PATJ: variants seen among roughly 807,000 people sequenced by gnomAD.
PATJ encodes inaD-like protein.
PATJ carries 190 observed loss-of-function variants against 224.9 expected under a neutral mutation model. That is an observed-to-expected ratio of 0.84 (90% CI 0.75 to 0.95). The LOEUF is 0.95. Ranked by LOEUF, PATJ falls within the 40% of genes least tolerant of loss-of-function variation. The pLI, the probability that PATJ is intolerant of heterozygous loss-of-function variation, is 0.00. For missense variants in PATJ, 2,121 were observed against 2,270.3 expected, an observed-to-expected ratio of 0.93 and a Z score of 1.34; for synonymous variants, 769 against 820.3, an observed-to-expected ratio of 0.94 and a Z score of 1.07.
chr1:62,055,678 C>T (rs2148613905), intron 31 of PATJ, among the ~76,000 whole-genome samples: 1 of 152,326 alleles, frequency 6.6e-6, no homozygotes. Flanking sequence ...GAAGGAACAA[C>T]TATTCCAAGT....
chr1:62,145,774 G>T (rs1667980121), intron 41 of PATJ, among the ~76,000 whole-genome samples: 1 of 152,004 alleles, frequency 6.6e-6, no homozygotes, highest in Non-Finnish European at 1.5e-5. Flanking sequence ...TGGACAACAT[G>T]GTGAAACCCT....
intron 39 of PATJ, among the ~76,000 whole-genome samples, chr1:62,127,389 T>G (rs1224653197): frequency 6.6e-6 from 1 of 151,274 alleles, no homozygotes. Flanking sequence ...TCTTTCTTCA[T>G]AGCCTTTCCG....
At chr1:62,083,530 C>T (rs1659552666) in intron 32 of PATJ, among the ~76,000 whole-genome samples, 1 of 152,166 alleles carries the variant, frequency 6.6e-6, no homozygotes, top group African/African-American at 2.4e-5. Flanking sequence ...AGCCTATAAA[C>T]ATTTTTTCCC....
chr1:62,032,882 C>T (rs1649598760), intron 29 of PATJ, among the ~76,000 whole-genome samples: 1 of 152,130 alleles, frequency 6.6e-6, no homozygotes. Context: ...GGAAGCAAAG[C>T]ACCTTCTTCA....
At chr1:62,148,420 A>G in intron 42 of PATJ, 30 bp downstream of exon 42, 1 of 1,482,088 alleles carries the variant, frequency 6.7e-7, no homozygotes, top group Non-Finnish European at 9.4e-7. Context: ...AGGGCCTATT[A>G]TGCATGTGGG....
At chr1:61,774,831 G>A (rs1235762676) in intron 6 of PATJ, among the ~76,000 whole-genome samples, 2 of 151,988 alleles carry the variant, frequency 1.3e-5, no homozygotes, top group Non-Finnish European at 2.9e-5. Context: ...ATAATATTTT[G>A]TGATTCTCTT....
chr1:61,840,010 A>C (rs17122796), intron 17 of PATJ, among the ~76,000 whole-genome samples: 13,112 of 152,076 alleles, frequency 0.086, 730 homozygotes, highest in East Asian at 0.21. Context: ...AGAATAGTGG[A>C]AATATTTCTC....
chr1:62,039,076 G>T, intron 30 of PATJ: 1 of 823,570 alleles, frequency 1.2e-6, no homozygotes, highest in Admixed American at 1.7e-5. Context: ...GAAGCATGAT[G>T]GCTTCACAGT....
At chr1:61,848,625 A>C (rs574418788) in intron 17 of PATJ, among the ~76,000 whole-genome samples, 1 of 152,184 alleles carries the variant, frequency 6.6e-6, no homozygotes, top group African/African-American at 2.4e-5. Context: ...TGTATTGCCC[A>C]GGGTGGTCTT....
At chr1:61,811,629 A>G (rs1370583318) in intron 14 of PATJ, among the ~76,000 whole-genome samples, 2 of 150,668 alleles carry the variant, frequency 1.3e-5, no homozygotes, top group African/African-American at 4.9e-5. Context: ...AATGTTTTCT[A>G]GTTTACTAAA....
chr1:61,797,466 T>G (rs1199337809), intron 11 of PATJ, 38 bp downstream of exon 11: 4 of 1,564,828 alleles, frequency 2.6e-6, no homozygotes, highest in Admixed American at 1.7e-5. Flanking sequence ...TCAAGTAGTT[T>G]ACATTTGGAA....
rs114475633 is a variant in PATJ, at chr1:61,747,966, C to T, written c.-36+5411C>T. On this transcript the variant is annotated intron_variant, in intron 1 of 43. Transcript: ENST00000642238. ...TTCACTCTGTTGCGAAGGCTGGAGC[C>T]GCCTCCTGGGTTCAAGTGATTCTCG... Among the ~76,000 whole-genome samples the T allele has an allele frequency of 3.9e-3, 588 of 152,246 alleles. 4 individuals carry two copies. Among genetic ancestry groups the T allele is most frequent in the African/African-American group, 0.013 (551 of 41,548 alleles).
chr1:62,004,466 G>A (rs116366059), intron 28 of PATJ, among the ~76,000 whole-genome samples: 1 of 152,152 alleles, frequency 6.6e-6, no homozygotes, highest in Non-Finnish European at 1.5e-5. Context: ...GACTAAAAAT[G>A]AGTTACTTAT....
intron 33 of PATJ, among the ~76,000 whole-genome samples, chr1:62,101,272 T>A (rs2148834517): frequency 6.7e-6 from 1 of 148,268 alleles, no homozygotes; most frequent in African/African-American, 2.5e-5. Flanking sequence ...TTTTTTTTTT[T>A]TTTTTTTCTG....
chr1:61,943,516 A>T (rs1188603032), intron 27 of PATJ, among the ~76,000 whole-genome samples: 1 of 152,100 alleles, frequency 6.6e-6, no homozygotes, highest in Non-Finnish European at 1.5e-5. Flanking sequence ...TCGAACTGCG[A>T]GGTGGCAGTG....
At chr1:61,861,885 G>C (rs1664670640) in intron 19 of PATJ, among the ~76,000 whole-genome samples, 1 of 151,896 alleles carries the variant, frequency 6.6e-6, no homozygotes, top group Non-Finnish European at 1.5e-5. Flanking sequence ...TTTTTGAGAT[G>C]GGATCTCCCT....
chr1:62,085,217 G>A (rs1312425681), intron 33 of PATJ, among the ~76,000 whole-genome samples: 9 of 151,872 alleles, frequency 5.9e-5, no homozygotes, highest in Non-Finnish European at 1.2e-4. Context: ...AGCTGAGATC[G>A]TGCTACTGCA....
chr1:61,894,885 T>C (rs1670142708), intron 22 of PATJ, among the ~76,000 whole-genome samples: 1 of 152,236 alleles, frequency 6.6e-6, no homozygotes, highest in Non-Finnish European at 1.5e-5. Context: ...TTGAATACTT[T>C]TGACCAAATG....
At chr1:61,775,027 G>A (rs139891035) in intron 6 of PATJ, among the ~76,000 whole-genome samples, 179 bp from the exon 7 acceptor site, 16 of 152,182 alleles carry the variant, frequency 1.1e-4, no homozygotes, top group Non-Finnish European at 1.9e-4. Flanking sequence ...AGATCCCTAC[G>A]GTCAGGGACC....
Sources: gnomAD v4.1 joint callset for allele counts (sites outside exome capture counted in the v4.1 genomes callset) on GRCh38, gnomAD v4.1.1 for gene constraint, MANE v1.5 for transcripts, NCBI Gene and HGNC (gene_info 2026-07-23, HGNC 2026-07-21) for gene names.